The following VSNL1 variants were observed in gnomAD, a reference collection of about 807,000 sequenced individuals.
The protein encoded by VSNL1 is visinin like 1.
A neutral mutation model predicts 20.4 loss-of-function variants in VSNL1; 6 were observed. The ratio of observed to expected loss-of-function variants is 0.29; its 90% CI spans 0.16 to 0.58. The LOEUF is 0.58. Ranked by LOEUF, VSNL1 falls within the 20% of genes least tolerant of loss-of-function variation. The pLI is 0.90. For synonymous variants in VSNL1, 93 were observed against 86.4 expected (o/e 1.08, Z -0.42); for missense variants, 100 against 234.5 (o/e 0.43, Z 3.75).
At chr2:17,581,267 C>T (rs1473544743) in intron 1 of VSNL1, among the ~76,000 whole-genome samples, 1 of 152,140 alleles carries the variant, frequency 6.6e-6, no homozygotes, top group East Asian at 1.9e-4. Context: ...CTCCCATTCC[C>T]TTCCTCCATT....
chr2:17,615,279 A>AT (rs910502988), intron 2 of VSNL1, among the ~76,000 whole-genome samples: 2 of 151,924 alleles, frequency 1.3e-5, no homozygotes, highest in African/African-American at 2.4e-5. Context: ...CTCATGCCTT[A>AT]TTTTTTTATT....
At chr2:17,549,614 G>T (rs898679326) in intron 1 of VSNL1, among the ~76,000 whole-genome samples, 2 of 152,154 alleles carry the variant, frequency 1.3e-5, no homozygotes, top group Non-Finnish European at 2.9e-5. Flanking sequence ...ATACCTATCA[G>T]CGTTTTGGAA....
At chr2:17,642,031 G>A (rs1665892154) in intron 2 of VSNL1, among the ~76,000 whole-genome samples, 1 of 152,080 alleles carries the variant, frequency 6.6e-6, no homozygotes, top group South Asian at 2.1e-4. Context: ...AAATGTTGAA[G>A]CTTATCTGAT....
At chr2:17,626,096 G>A (rs1204900978) in intron 2 of VSNL1, among the ~76,000 whole-genome samples, 1 of 152,142 alleles carries the variant, frequency 6.6e-6, no homozygotes, top group Non-Finnish European at 1.5e-5. Context: ...TGGGATTACA[G>A]GCATGAGCCA....
upstream of VSNL1, chr2:17,540,298 G>A (rs532254918): frequency 1.2e-4 from 18 of 152,526 alleles, no homozygotes; most frequent in Admixed American, 8.5e-4. Context: ...AGAAAGCAGC[G>A]GGAAAAGCGG....
chr2:17,561,212 C>T (rs1293929832), intron 1 of VSNL1, among the ~76,000 whole-genome samples: 1 of 152,050 alleles, frequency 6.6e-6, no homozygotes, highest in Non-Finnish European at 1.5e-5. Flanking sequence ...GAATATGCTC[C>T]TGTGGACATA....
At chr2:17,560,340 G>A (rs973996980) in intron 1 of VSNL1, among the ~76,000 whole-genome samples, 2 of 151,972 alleles carry the variant, frequency 1.3e-5, no homozygotes, top group African/African-American at 4.8e-5. Flanking sequence ...AAAAAAGAGT[G>A]AGGGTAAGCT....
intron 2 of VSNL1, among the ~76,000 whole-genome samples, chr2:17,625,237 C>A (rs766487213): frequency 5.9e-5 from 9 of 152,176 alleles, no homozygotes; most frequent in Admixed American, 5.2e-4. Flanking sequence ...CCAATTAAAC[C>A]TCTTTTGTAA....
At chr2:17,596,831 T>C (rs1664721854) in intron 2 of VSNL1, among the ~76,000 whole-genome samples, 1 of 152,216 alleles carries the variant, frequency 6.6e-6, no homozygotes, top group Non-Finnish European at 1.5e-5. Flanking sequence ...TGAATTTGTT[T>C]CCCTGTCTAT....
At chr2:17,603,770 C>G (rs1558296825) in intron 2 of VSNL1, among the ~76,000 whole-genome samples, 1 of 152,138 alleles carries the variant, frequency 6.6e-6, no homozygotes, top group East Asian at 1.9e-4. Flanking sequence ...TTCTGGTGGC[C>G]TGGGGTTGTA....
intron 1 of VSNL1, among the ~76,000 whole-genome samples, chr2:17,557,025 T>C (rs902558946): frequency 2.0e-5 from 3 of 152,210 alleles, no homozygotes; most frequent in African/African-American, 7.2e-5. Context: ...GAGATGGCTT[T>C]TTTTTTAAGG....
chr2:17,605,859 G>A (rs556717997), intron 2 of VSNL1, among the ~76,000 whole-genome samples: 18 of 152,306 alleles, frequency 1.2e-4, no homozygotes, highest in South Asian at 1.0e-3. Flanking sequence ...GATACTTTAC[G>A]TCCTTTCTAA....
At chr2:17,630,096 C>T (rs991971761) in intron 2 of VSNL1, among the ~76,000 whole-genome samples, 4 of 152,200 alleles carry the variant, frequency 2.6e-5, no homozygotes, top group African/African-American at 9.6e-5. Flanking sequence ...GCAAGCAAGC[C>T]AAACGAGAAA....
At position 17,559,941 on chromosome 2, in the gene VSNL1, A is replaced by G. The variant is rs1033299177; in HGVS notation, c.-6+19023A>G. Among the ~76,000 whole-genome samples, 18 of 152,000 alleles carry G rather than the reference A, an allele frequency of 1.2e-4. 1 individual carries two copies. Among genetic ancestry groups the G allele is most frequent in the African/African-American group, 4.3e-4 (18 of 41,438 alleles). ...ATATATATTGAAAATCCAAAGATTC[A>G]AGTAACAACAAAAATTAGTAAAAAC... is the stretch of plus-strand genomic sequence containing the variant. On this transcript the variant is annotated intron_variant, in intron 1 of 3. Transcript: ENST00000295156.
At chr2:17,633,623 T>C (rs751341632) in intron 2 of VSNL1, among the ~76,000 whole-genome samples, 1 of 152,130 alleles carries the variant, frequency 6.6e-6, no homozygotes, top group Non-Finnish European at 1.5e-5. Flanking sequence ...GAATATCCAT[T>C]GTGTTCCAGG....
intron 2 of VSNL1, among the ~76,000 whole-genome samples, chr2:17,592,609 G>GTACACAA (rs1490944883): frequency 5.6e-5 from 7 of 125,924 alleles, no homozygotes; most frequent in African/African-American, 2.1e-4. Context: ...TAAAGAAAAA[G>GTACACAA]TACACAAGAG....
chr2:17,596,902 G>A (rs891898470), intron 2 of VSNL1, among the ~76,000 whole-genome samples: 6 of 152,190 alleles, frequency 3.9e-5, no homozygotes, highest in African/African-American at 1.4e-4. Context: ...AAGGAAAGAA[G>A]GGAAATGAAA....
In VSNL1 at chr2:17,649,301, AG is replaced by A; in HGVS notation, c.163-107del. On this transcript the variant is annotated intron_variant, in intron 2 of 3. Transcript: ENST00000295156. The surrounding 1 kb of genome is among the most constrained non-coding windows in gnomAD (Gnocchi z 6.4). ...AGGCCAAACTGCTCTCCAATGGGTGAGGCTCCGACAACGCCCAGGAGCACCT... is the reference window on the plus strand; with the variant it reads ...AGGCCAAACTGCTCTCCAATGGGTGAGCTCCGACAACGCCCAGGAGCACCT... 1 of 1,074,044 alleles carries A rather than the reference AG, an allele frequency of 9.3e-7. No homozygotes were observed. Among genetic ancestry groups the A allele is most frequent in the East Asian group, 2.4e-5 (1 of 41,916 alleles). The allele number at this position is 1,074,044 out of a possible 1,614,324, so 66.5% of individuals were successfully genotyped here.
intron 2 of VSNL1, among the ~76,000 whole-genome samples, chr2:17,596,277 C>G (rs1664708909): frequency 6.6e-6 from 1 of 152,150 alleles, no homozygotes; most frequent in Non-Finnish European, 1.5e-5. Context: ...TTTCATCATC[C>G]CCACCACAGC....
Sources: gnomAD v4.1 joint callset for allele counts (sites outside exome capture counted in the v4.1 genomes callset) on GRCh38, gnomAD v4.1.1 for gene constraint, Gnocchi (gnomAD v3.1) non-coding constraint, MANE v1.5 for transcripts, NCBI Gene and HGNC (gene_info 2026-07-23, HGNC 2026-07-21) for gene names.